LGSN: variants seen among roughly 807,000 people sequenced by gnomAD.
LGSN encodes lengsin, lens protein with glutamine synthetase domain, also known as lengsin.
Under a neutral mutation model 19.5 loss-of-function variants are expected in LGSN, and 21 were observed. The observed-to-expected ratio is 1.07, with a 90% CI of 0.76 to 1.55. LGSN has a LOEUF of 1.55. Among genes scored for constraint, LGSN ranks in the 40% most tolerant of loss-of-function variants. The probability of loss-of-function intolerance (pLI) is 0.00; values close to 1 mark genes in which losing one functional copy is unlikely to be tolerated. For missense variants in LGSN, 673 were observed against 608.5 expected, an observed-to-expected ratio of 1.11 and a Z score of -1.12; for synonymous variants, 257 against 215.6, an observed-to-expected ratio of 1.19 and a Z score of -1.68.
chr6:63,449,361 G>A, the LGSN span, among the ~76,000 whole-genome samples: 68 of 151,762 alleles, frequency 4.5e-4, no homozygotes, highest in Non-Finnish European at 8.2e-4. Context: ...CAAGGCCAAC[G>A]TGGTAAAACC....
chr6:63,468,701 T>G, the LGSN span, among the ~76,000 whole-genome samples: 1 of 152,208 alleles, frequency 6.6e-6, no homozygotes, highest in African/African-American at 2.4e-5. Context: ...GTGCTAGGAT[T>G]ACAGGCATGA....
At chr6:63,535,234 G>T in the LGSN span, among the ~76,000 whole-genome samples, 1 of 152,266 alleles carries the variant, frequency 6.6e-6, no homozygotes, top group East Asian at 1.9e-4. Flanking sequence ...GGAGGCCAAG[G>T]AGGGCAAATC....
chr6:63,387,133 G>C, the LGSN span, among the ~76,000 whole-genome samples: 66 of 152,134 alleles, frequency 4.3e-4, no homozygotes, highest in Non-Finnish European at 8.1e-4. Context: ...GATAAATAAG[G>C]AAAACGAGCA....
chr6:63,303,859 A>G (rs761361276), intron 1 of LGSN, among the ~76,000 whole-genome samples: 2 of 152,104 alleles, frequency 1.3e-5, no homozygotes, highest in Non-Finnish European at 1.5e-5. Flanking sequence ...TCTTGAAACC[A>G]AACACTTGTT....
chr6:63,471,817 GT>G, the LGSN span, among the ~76,000 whole-genome samples: 1 of 152,076 alleles, frequency 6.6e-6, no homozygotes, highest in East Asian at 1.9e-4. Context: ...CATCTGGGGG[GT>G]AATTAAGGTG....
At chr6:63,434,604 CAAAAAAAAAA>C in the LGSN span, among the ~76,000 whole-genome samples, 650 of 62,918 alleles carry the variant, frequency 0.01, 5 homozygotes, top group African/African-American at 0.028. Flanking sequence ...ACTAAAAATT[CAAAAAAAAAA>C]AAAAAAAAAA....
At chr6:63,564,744 C>T in the LGSN span, among the ~76,000 whole-genome samples, 1 of 152,286 alleles carries the variant, frequency 6.6e-6, no homozygotes, top group South Asian at 2.1e-4. Flanking sequence ...ATGTTCTAAA[C>T]AATCACATGG....
chr6:63,420,605 T>C, the LGSN span, among the ~76,000 whole-genome samples: 11 of 152,228 alleles, frequency 7.2e-5, no homozygotes, highest in African/African-American at 2.7e-4. Context: ...ATTCACAGAC[T>C]ACCTGGCAGT....
the LGSN span, among the ~76,000 whole-genome samples, chr6:63,451,041 T>C: frequency 3.9e-4 from 59 of 152,302 alleles, no homozygotes; most frequent in African/African-American, 1.3e-3. Flanking sequence ...CTAGTAATAC[T>C]ATTTTAAATG....
the LGSN span, among the ~76,000 whole-genome samples, chr6:63,334,751 T>C: frequency 6.6e-5 from 10 of 152,096 alleles, no homozygotes; most frequent in African/African-American, 2.4e-4. Flanking sequence ...GGTTCTGGTA[T>C]AAAAATAGAC....
chr6:63,412,629 AAAGAAAGGG>A, the LGSN span, among the ~76,000 whole-genome samples: 2 of 142,910 alleles, frequency 1.4e-5, no homozygotes, highest in African/African-American at 5.5e-5. Flanking sequence ...GAAAGAAGGG[AAAGAAAGGG>A]AAGGAAGGGA....
At chr6:63,534,012 C>G in the LGSN span, among the ~76,000 whole-genome samples, 1 of 151,902 alleles carries the variant, frequency 6.6e-6, no homozygotes, top group East Asian at 1.9e-4. Context: ...CCTGGCTAAT[C>G]TCTGTATTTT....
At chr6:63,295,751 ACAGGCTGGTGCTGGGGAGCT>A (rs1302987323) in intron 1 of LGSN, among the ~76,000 whole-genome samples, 1 of 152,200 alleles carries the variant, frequency 6.6e-6, no homozygotes, top group Non-Finnish European at 1.5e-5. Flanking sequence ...GCAGTGAGGC[ACAGGCTGGTGCTGGGGAGCT>A]CAGGAATCTC....
chr6:63,540,162 G>C, the LGSN span, among the ~76,000 whole-genome samples: 1 of 152,142 alleles, frequency 6.6e-6, no homozygotes, highest in Admixed American at 6.5e-5. Flanking sequence ...GATGGAATCT[G>C]GTGTGCATGG....
chr6:63,429,528 G>T, the LGSN span, among the ~76,000 whole-genome samples: 55 of 152,186 alleles, frequency 3.6e-4, no homozygotes, highest in Non-Finnish European at 5.7e-4. Context: ...TTGAGGTCAG[G>T]AGTTCGAGAC....
At chr6:63,307,755 A>G (rs1768453599) in intron 1 of LGSN, among the ~76,000 whole-genome samples, 1 of 152,216 alleles carries the variant, frequency 6.6e-6, no homozygotes, top group Non-Finnish European at 1.5e-5. Flanking sequence ...TCTGGTGGAA[A>G]GATAACTCAT....
the LGSN span, among the ~76,000 whole-genome samples, chr6:63,372,840 C>T: frequency 1.3e-3 from 195 of 152,184 alleles, 3 homozygotes; most frequent in East Asian, 0.03. Flanking sequence ...TTCATTTATA[C>T]TTATTTTAAA....
chr6:63,329,334 G>A, the LGSN span, among the ~76,000 whole-genome samples: 1 of 152,198 alleles, frequency 6.6e-6, no homozygotes, highest in African/African-American at 2.4e-5. Flanking sequence ...TTGATGTCCA[G>A]AACGATGAAC....
At chr6:63,344,719 A>T in the LGSN span, among the ~76,000 whole-genome samples, 1 of 152,128 alleles carries the variant, frequency 6.6e-6, no homozygotes, top group African/African-American at 2.4e-5. Context: ...ATTGATTATT[A>T]GTATATAGAA....
Sources: allele counts gnomAD v4.1 joint callset (sites outside exome capture counted in the v4.1 genomes callset), GRCh38; gene constraint gnomAD v4.1.1; transcripts MANE v1.5; gene names NCBI Gene and HGNC (gene_info 2026-07-23, HGNC 2026-07-21).